DIP2B: variants seen among roughly 807,000 people sequenced by gnomAD.
The protein encoded by DIP2B is disco-interacting protein 2 homolog B.
A neutral mutation model predicts 198.0 loss-of-function variants in DIP2B; 76 were observed. The ratio of observed to expected loss-of-function variants is 0.38; its 90% CI spans 0.32 to 0.46. The LOEUF (loss-of-function observed/expected upper bound fraction) is 0.46, where lower values mean the gene tolerates loss of function less well. Among genes scored for constraint, DIP2B ranks in the 20% least tolerant of loss-of-function variants. The pLI is 0.99. For missense variants in DIP2B, 1,559 were observed against 1,978.4 expected, an observed-to-expected ratio of 0.79 and a Z score of 4.02; for synonymous variants, 701 against 739.1, an observed-to-expected ratio of 0.95 and a Z score of 0.84.
intron 28 of DIP2B, among the ~76,000 whole-genome samples, 157 bp from the exon 29 acceptor site, chr12:50,727,546 T>A (rs1165929484): frequency 2.0e-5 from 3 of 152,238 alleles, no homozygotes; most frequent in Non-Finnish European, 2.9e-5. Flanking sequence ...AGCCCACCTC[T>A]AAGAATGACA....
chr12:50,518,266 C>G (rs1188934193), intron 1 of DIP2B, among the ~76,000 whole-genome samples: 1 of 151,448 alleles, frequency 6.6e-6, no homozygotes, highest in Non-Finnish European at 1.5e-5. Context: ...CTCTTATTGC[C>G]CAGGCTGGAG....
chr12:50,664,455 A>T (rs143555686), intron 4 of DIP2B, among the ~76,000 whole-genome samples: 13 of 152,224 alleles, frequency 8.5e-5, no homozygotes, highest in Admixed American at 7.8e-4. Flanking sequence ...AGTCTTTTAG[A>T]CTGCTTGAAT....
chr12:50,636,556 GAGGTAGTAGATCC>G (rs1938163122), intron 2 of DIP2B, among the ~76,000 whole-genome samples: 1 of 152,206 alleles, frequency 6.6e-6, no homozygotes, highest in African/African-American at 2.4e-5. Flanking sequence ...TGCAAAAGGA[GAGGTAGTAGATCC>G]AGCTTTCACA....
At chr12:50,688,415 G>A (rs1367910562) in intron 12 of DIP2B, among the ~76,000 whole-genome samples, 4 of 152,148 alleles carry the variant, frequency 2.6e-5, no homozygotes, top group Non-Finnish European at 5.9e-5. Flanking sequence ...ATTTTGGGAG[G>A]CTGAGGGAGC....
At chr12:50,738,221 T>G (rs1940173449) in intron 35 of DIP2B, among the ~76,000 whole-genome samples, 1 of 151,938 alleles carries the variant, frequency 6.6e-6, no homozygotes, top group Admixed American at 6.6e-5. Context: ...GTGCCCGTAG[T>G]CCCAGCTACT....
At chr12:50,618,223 T>C (rs1937738950) in intron 1 of DIP2B, among the ~76,000 whole-genome samples, 1 of 152,254 alleles carries the variant, frequency 6.6e-6, no homozygotes, top group Non-Finnish European at 1.5e-5. Flanking sequence ...TGGTGTTATA[T>C]AGTGCCATTT....
chr12:50,568,931 T>C (rs1015292256), intron 1 of DIP2B, among the ~76,000 whole-genome samples: 2 of 152,186 alleles, frequency 1.3e-5, no homozygotes, highest in East Asian at 1.9e-4. Flanking sequence ...AGCTTTGTTT[T>C]CAAGTGCTTT....
intron 1 of DIP2B, among the ~76,000 whole-genome samples, chr12:50,539,958 C>T (rs1309908188): frequency 1.3e-5 from 2 of 148,768 alleles, no homozygotes; most frequent in African/African-American, 2.5e-5. Flanking sequence ...TACTGTAGTT[C>T]TTTATTCCCC....
At chr12:50,717,963 G>A (rs543019502) in intron 23 of DIP2B, among the ~76,000 whole-genome samples, 5 of 123,384 alleles carry the variant, frequency 4.1e-5, no homozygotes, top group East Asian at 2.5e-4. Context: ...GCAGTGGCAC[G>A]ATTTCGGCTC....
chr12:50,655,057 G>A (rs1279050789), intron 3 of DIP2B: 1 of 439,382 alleles, frequency 2.3e-6, no homozygotes, highest in Non-Finnish European at 4.6e-6. Flanking sequence ...CCTGATTAGT[G>A]TAAAAATATA....
At chr12:50,716,063 T>G (rs1393615360) in intron 23 of DIP2B, among the ~76,000 whole-genome samples, 15 of 152,234 alleles carry the variant, frequency 9.9e-5, no homozygotes, top group Admixed American at 9.8e-4. Flanking sequence ...CTGAATTAGT[T>G]TTATTGTTTT....
chr12:50,553,696 C>T (rs1362166535), intron 1 of DIP2B, among the ~76,000 whole-genome samples: 1 of 152,150 alleles, frequency 6.6e-6, no homozygotes, highest in Non-Finnish European at 1.5e-5. Context: ...CTCTGTCACC[C>T]AGGCTGGAGT....
chr12:50,707,086 G>A (rs573788326), intron 21 of DIP2B, among the ~76,000 whole-genome samples: 18 of 152,196 alleles, frequency 1.2e-4, no homozygotes, highest in South Asian at 6.2e-4. Context: ...AAATTATACC[G>A]TTTTAATGTG....
At chr12:50,531,147 G>C (rs909268097) in intron 1 of DIP2B, among the ~76,000 whole-genome samples, 1 of 152,198 alleles carries the variant, frequency 6.6e-6, no homozygotes, top group Non-Finnish European at 1.5e-5. Flanking sequence ...CTGGGTTCAC[G>C]CCATTCTCCT....
intron 5 of DIP2B, among the ~76,000 whole-genome samples, chr12:50,673,325 G>T (rs979005843): frequency 2.9e-4 from 44 of 152,068 alleles, no homozygotes; most frequent in Non-Finnish European, 2.1e-4. Context: ...AAACTTAGAA[G>T]AAAACATCTG....
chr12:50,621,555 G>C (rs1464608974), intron 1 of DIP2B, among the ~76,000 whole-genome samples: 1 of 152,196 alleles, frequency 6.6e-6, no homozygotes, highest in Admixed American at 6.5e-5. Flanking sequence ...CAGGCTGTGG[G>C]TGGGCTACAG....
chr12:50,699,515 A>T (rs1399138007), intron 19 of DIP2B, among the ~76,000 whole-genome samples: 1 of 152,170 alleles, frequency 6.6e-6, no homozygotes, highest in African/African-American at 2.4e-5. Context: ...GCATATAGGA[A>T]GTGCTGTTGT....
chr12:50,657,164 C>G (rs1192771389), intron 3 of DIP2B: 1 of 146,066 alleles, frequency 6.8e-6, no homozygotes, highest in Non-Finnish European at 1.5e-5. Context: ...CAGGAGAATC[C>G]CTTGAGCCCA....
Position 50,577,520 on chromosome 12 carries a change from C to T in DIP2B, c.101-48456C>T, listed in dbSNP as rs139530309. ...CTGCACTCCAACCTGGGCAACAGAG[C>T]GAGACTCCGTCTAAAAAATAAAAAA... On this transcript the variant is annotated intron_variant, in intron 1 of 37. Transcript: ENST00000301180. Among the ~76,000 whole-genome samples the T allele has an allele frequency of 4.5e-3, 672 of 150,766 alleles. 13 individuals carry two copies. In the South Asian group the frequency reaches 0.049, roughly 11 times the overall value.
Sources: gnomAD v4.1 joint callset for allele counts (sites outside exome capture counted in the v4.1 genomes callset) on GRCh38, gnomAD v4.1.1 for gene constraint, MANE v1.5 for transcripts, NCBI Gene and HGNC (gene_info 2026-07-23, HGNC 2026-07-21) for gene names.